The following LYSMD1 variants were observed in gnomAD, a reference collection of about 807,000 sequenced individuals.
The protein encoded by LYSMD1 is LysM domain containing 1.
LYSMD1 carries 9 observed loss-of-function variants against 19.3 expected under a neutral mutation model. The ratio of observed to expected loss-of-function variants is 0.47; its 90% CI spans 0.28 to 0.81. The LOEUF (loss-of-function observed/expected upper bound fraction) is 0.81. Among genes scored for constraint, LYSMD1 ranks in the 40% least tolerant of loss-of-function variants. The pLI is 0.11. For missense variants in LYSMD1, 262 were observed against 279.8 expected, an observed-to-expected ratio of 0.94 and a Z score of 0.45; for synonymous variants, 111 against 111.7, an observed-to-expected ratio of 0.99 and a Z score of 0.04.
At chr1:151,151,338 T>C in the LYSMD1 span, among the ~76,000 whole-genome samples, 8 of 149,530 alleles carry the variant, frequency 5.4e-5, no homozygotes, top group Admixed American at 6.6e-5. Context: ...TACAGGCACC[T>C]GCCACCATGC....
the LYSMD1 span, among the ~76,000 whole-genome samples, chr1:151,153,548 G>A: frequency 3.9e-5 from 6 of 151,928 alleles, no homozygotes; most frequent in South Asian, 2.1e-4. Context: ...CCAGCTACTC[G>A]GGAGGCTAAG....
chr1:151,159,557 C>T (rs1683359932), downstream of LYSMD1: 1 of 315,984 alleles, frequency 3.2e-6, no homozygotes, highest in Non-Finnish European at 6.4e-6. Context: ...AACAGGGAAG[C>T]CCCCTCCCAT....
At position 151,159,759 on chromosome 1, in the gene LYSMD1, C is replaced by G. The variant is rs1683365575; in HGVS notation, c.*1123G>C. The G allele has an allele frequency of 5.7e-6, 1 of 176,482 alleles. No homozygotes were observed. The highest frequency in any genetic ancestry group is 2.4e-5 in the African/African-American group (1 of 41,522). The allele number at this position is 176,482 out of a possible 1,614,324, so 10.9% of individuals were successfully genotyped here. On this transcript the variant is annotated 3_prime_UTR_variant, in exon 3 of 3. Coordinates refer to ENST00000368908, the MANE Select transcript of LYSMD1 (RefSeq NM_212551.5). The stretch of plus-strand genomic sequence containing the variant: ...AAACTACTAAAATATGCACAGGGCT[C>G]AATGTTTAATCTGTCCAGCTTCGTA...
At chr1:151,163,910 G>GTC (rs1386773173) in intron 1 of LYSMD1, among the ~76,000 whole-genome samples, 1 of 149,412 alleles carries the variant, frequency 6.7e-6, no homozygotes, top group African/African-American at 2.5e-5. Flanking sequence ...GTGTGTGTGT[G>GTC]TGTCTCACTC....
chr1:151,164,429 TA>T (rs1259340358), intron 1 of LYSMD1, among the ~76,000 whole-genome samples: 4 of 152,184 alleles, frequency 2.6e-5, no homozygotes, highest in Non-Finnish European at 4.4e-5. Context: ...GGGGCAGGGA[TA>T]GGGGGAGTAA....
rs77292984 is a variant in LYSMD1, at chr1:151,161,886, C to G, written c.395G>C (p.Arg132Pro). ...TGTGGGGAGGACTTCACCATTGGCA[C>G]GTCCTGCTCCTGTCTCTTGTTTCTT... ...ERKKQETGAG[R>P]ANGEVLPTPG... The change falls in exon 2 of 3, where the codon CGT (arginine) becomes CCT (proline). Residue 132 changes from arginine (R) to proline (P), a missense_variant. By Grantham distance (103) the Arg-to-Pro change is moderately radical. Coordinates refer to ENST00000368908, the MANE Select transcript of LYSMD1 (RefSeq NM_212551.5). 1 of 1,614,008 alleles carries G rather than the reference C, an allele frequency of 6.2e-7. No homozygotes were observed. Among genetic ancestry groups the G allele is most frequent in the African/African-American group, 1.3e-5 (1 of 74,970 alleles).
chr1:151,164,895 C>T (rs1018228809), intron 1 of LYSMD1, among the ~76,000 whole-genome samples, 184 bp downstream of exon 1: 5 of 152,154 alleles, frequency 3.3e-5, no homozygotes, highest in African/African-American at 1.2e-4. Context: ...GGAGCTGTTC[C>T]TCTCCGTTGG....
At position 151,165,462 on chromosome 1, in the gene LYSMD1, C is replaced by T. The variant is rs1014311660; in HGVS notation, c.-204G>A. On this transcript the variant is annotated 5_prime_UTR_variant, in exon 1 of 3. Transcript: ENST00000368908. ...AAGCTACTTATCCACAAATCTGTCC[C>T]TTGAGTATTCAGTCCCTCCCTAATT... 2 of 1,437,002 alleles carry T rather than the reference C, an allele frequency of 1.4e-6. No homozygotes were observed. Among genetic ancestry groups the T allele is most frequent in the African/African-American group, 2.9e-5 (2 of 69,694 alleles). 89.0% of individuals were successfully genotyped at this position (1,437,002 alleles called of 1,614,324 possible).
the LYSMD1 span, among the ~76,000 whole-genome samples, chr1:151,153,999 CATGA>C: frequency 3.9e-5 from 6 of 152,004 alleles, no homozygotes; most frequent in South Asian, 1.2e-3. Context: ...AAGACTTCCC[CATGA>C]ATGAAGTAAA....
chr1:151,162,075 C>A lies in LYSMD1; in HGVS notation c.206G>T (p.Arg69Leu). 2.5e-6 allele frequency: 4 copies of A among 1,601,666 alleles called. No homozygotes were observed. In the South Asian group the frequency reaches 4.5e-5, roughly 18 times the overall value. Reference sequence around the variant, plus strand: ...GAAGATGGAGTCATTAGTATAAAGGCGGTTTGCACGTTTAATCTGTTCCAT... The same window carrying A: ...GAAGATGGAGTCATTAGTATAAAGGAGGTTTGCACGTTTAATCTGTTCCAT... ...VTMEQIKRAN[R>L]LYTNDSIFLK... is the part of the protein sequence containing the mutation. The change falls in exon 2 of 3, where the codon CGC becomes CTC. Residue 69 changes from arginine to leucine, a missense_variant. By Grantham distance (102) the Arg-to-Leu change is moderately radical. Transcript: ENST00000368908.
downstream of LYSMD1, among the ~76,000 whole-genome samples, chr1:151,157,932 T>C (rs1240147443): frequency 6.6e-6 from 1 of 152,208 alleles, no homozygotes; most frequent in Non-Finnish European, 1.5e-5. Flanking sequence ...GTAAATTACT[T>C]AATGTAAGTA....
chr1:151,157,915 A>G (rs1234428027), downstream of LYSMD1, among the ~76,000 whole-genome samples: 2 of 152,198 alleles, frequency 1.3e-5, no homozygotes, highest in African/African-American at 4.8e-5. Flanking sequence ...GTTGCGTTTG[A>G]TCTTGGGTAA....
chr1:151,162,093 T>A lies in LYSMD1; in HGVS notation c.188A>T (p.Gln63Leu). 3 of 1,569,124 alleles carry A rather than the reference T, an allele frequency of 1.9e-6. No homozygotes were observed. Among genetic ancestry groups the A allele is most frequent in the South Asian group, 2.4e-5 (2 of 84,886 alleles). Reference protein sequence around the residue: ...LALKYGVTMEQIKRANRLYTN... With the variant: ...LALKYGVTMELIKRANRLYTN... ...ATAAAGGCGGTTTGCACGTTTAATC[T>A]GTTCCATCTTAAAAAAAAAAGTCAC... The change falls in exon 2 of 3, where the codon CAG becomes CTG. Residue 63 changes from glutamine to leucine, a missense_variant. Transcript: ENST00000368908.
In LYSMD1 at chr1:151,165,629, T is replaced by A; in HGVS notation, c.-371A>T. The A allele has an allele frequency of 6.5e-7, 1 of 1,541,276 alleles. No homozygotes were observed. ...AGCCTGGCCTCAGGGCGCTCCAACA[T>A]CCCAGCTCTCCCCGGTCCCGGGGTT... is the stretch of plus-strand genomic sequence containing the variant. On this transcript the variant is annotated 5_prime_UTR_variant, in exon 1 of 3. An upstream start codon of the reference 5' UTR is lost. Transcript: ENST00000368908.
chr1:151,162,084 C>T lies in LYSMD1; in HGVS notation c.197G>A (p.Arg66His), dbSNP rs184513568. 12 of 1,591,086 alleles carry T rather than the reference C, an allele frequency of 7.5e-6. No individual in the cohort carries two copies. Among genetic ancestry groups the T allele is most frequent in the Admixed American group, 5.6e-5 (3 of 53,264 alleles). ...GTCATTAGTATAAAGGCGGTTTGCA[C>T]GTTTAATCTGTTCCATCTTAAAAAA... ...KYGVTMEQIK[R>H]ANRLYTNDSI... The change falls in exon 2 of 3, where the codon CGT becomes CAT. Residue 66 changes from arginine to histidine, a missense_variant. Transcript: ENST00000368908.
At chr1:151,161,496 CA>C (rs11317772) in intron 2 of LYSMD1, among the ~76,000 whole-genome samples, 19,558 of 128,390 alleles carry the variant, frequency 0.15, 2,031 homozygotes, top group African/African-American at 0.33. Flanking sequence ...GACCCCGTCT[CA>C]AAAAAAAAAA....
the LYSMD1 span, among the ~76,000 whole-genome samples, chr1:151,150,198 C>T: frequency 6.6e-6 from 1 of 152,114 alleles, no homozygotes. Context: ...TCAAGTGATT[C>T]TCCTGCCTCG....
downstream of LYSMD1, chr1:151,158,516 C>A: frequency 1.7e-6 from 1 of 572,118 alleles, no homozygotes; most frequent in Non-Finnish European, 3.1e-6. Context: ...GGGGAAAAAG[C>A]AGGCAGGAGC....
At chr1:151,158,246 C>G (rs1170763234), downstream of LYSMD1, among the ~76,000 whole-genome samples, 1 of 151,762 alleles carries the variant, frequency 6.6e-6, no homozygotes, top group Non-Finnish European at 1.5e-5. Context: ...TAGCTTGAAC[C>G]CGGGAGGTGG....
Sources: allele counts gnomAD v4.1 joint callset (sites outside exome capture counted in the v4.1 genomes callset), GRCh38; gene constraint gnomAD v4.1.1; transcripts MANE v1.5; gene names NCBI Gene and HGNC (gene_info 2026-07-23, HGNC 2026-07-21).